The following DPYD variants were observed in gnomAD, a reference collection of about 807,000 sequenced individuals.
DPYD encodes dihydropyrimidine dehydrogenase [NADP(+)].
DPYD carries 109 observed loss-of-function variants against 116.2 expected under a neutral mutation model. The ratio of observed to expected loss-of-function variants is 0.94; its 90% CI spans 0.80 to 1.10. The LOEUF is 1.10. DPYD is among the 50% of genes least tolerant of loss of function. The pLI, the probability that DPYD is intolerant of heterozygous loss-of-function variation, is 0.00. For synonymous variants in DPYD, 440 were observed against 432.0 expected (o/e 1.02, Z -0.23); for missense variants, 1,302 against 1,254.5 (o/e 1.04, Z -0.57).
At chr1:97,100,006 C>T (rs977093577) in intron 20 of DPYD, among the ~76,000 whole-genome samples, 48 of 152,050 alleles carry the variant, frequency 3.2e-4, no homozygotes, top group African/African-American at 1.1e-3. Flanking sequence ...GTTATGAATG[C>T]CAAACTAATT....
intron 12 of DPYD, among the ~76,000 whole-genome samples, chr1:97,548,832 G>T (rs754972932): frequency 2.6e-5 from 4 of 152,062 alleles, no homozygotes; most frequent in Non-Finnish European, 5.9e-5. Context: ...TAGGTGCATA[G>T]AATTTGGAAA....
chr1:97,097,089 T>C (rs1337676931), intron 21 of DPYD, among the ~76,000 whole-genome samples: 1 of 152,188 alleles, frequency 6.6e-6, no homozygotes, highest in African/African-American at 2.4e-5. Context: ...AGTGTTCAGT[T>C]TGTTCAGTTC....
intron 18 of DPYD, among the ~76,000 whole-genome samples, chr1:97,297,665 G>T (rs528004654): frequency 4.4e-4 from 67 of 152,306 alleles, no homozygotes; most frequent in African/African-American, 1.6e-3. Context: ...AATTAAGAGA[G>T]AAGAGCAGTA....
chr1:97,826,160 T>G (rs1669235876), intron 3 of DPYD, among the ~76,000 whole-genome samples: 1 of 152,200 alleles, frequency 6.6e-6, no homozygotes, highest in Non-Finnish European at 1.5e-5. Flanking sequence ...GGCAAGTTAT[T>G]CCAGGCAGGT....
At chr1:97,219,391 A>C (rs957018204) in intron 19 of DPYD, among the ~76,000 whole-genome samples, 12 of 152,202 alleles carry the variant, frequency 7.9e-5, no homozygotes, top group African/African-American at 2.9e-4. Context: ...ATGATTCTGG[A>C]AAGAGATGTG....
chr1:97,189,457 G>A (rs1412485141), intron 20 of DPYD, among the ~76,000 whole-genome samples: 1 of 152,138 alleles, frequency 6.6e-6, no homozygotes, highest in Non-Finnish European at 1.5e-5. Context: ...AAAAAGTGAA[G>A]ACATTTTCTT....
intron 16 of DPYD, among the ~76,000 whole-genome samples, chr1:97,319,375 C>T (rs1243620123): frequency 5.4e-4 from 74 of 137,292 alleles, no homozygotes; most frequent in Non-Finnish European, 8.6e-4. Context: ...ATCAAATAGA[C>T]ACAATAAAAA....
chr1:97,510,037 AG>A (rs1647660774), intron 13 of DPYD, among the ~76,000 whole-genome samples: 1 of 152,048 alleles, frequency 6.6e-6, no homozygotes, highest in South Asian at 2.1e-4. Flanking sequence ...TTATTTGGGC[AG>A]GAACAGGCTG....
chr1:97,401,857 G>A (rs1424283633), intron 14 of DPYD, among the ~76,000 whole-genome samples: 1 of 152,210 alleles, frequency 6.6e-6, no homozygotes, highest in South Asian at 2.1e-4. Context: ...ACATGCAGTT[G>A]TTCCAGCACC....
chr1:97,278,903 C>T (rs993279202), intron 18 of DPYD, among the ~76,000 whole-genome samples: 8 of 149,946 alleles, frequency 5.3e-5, no homozygotes, highest in Non-Finnish European at 8.9e-5. Context: ...CTTACTAAGA[C>T]AATGGTATTT....
At chr1:97,850,382 ATAAAT>A (rs1378921528) in intron 2 of DPYD, among the ~76,000 whole-genome samples, 4 of 152,312 alleles carry the variant, frequency 2.6e-5, no homozygotes, top group African/African-American at 9.6e-5. Flanking sequence ...AATTAAAGAA[ATAAAT>A]TAAGATATGC....
intron 3 of DPYD, among the ~76,000 whole-genome samples, chr1:97,787,178 T>C (rs903190816): frequency 1.3e-5 from 2 of 152,104 alleles, no homozygotes; most frequent in Admixed American, 6.5e-5. Context: ...AGAAAGAAAA[T>C]AAAGCCTCTC....
At chr1:97,142,353 C>T (rs933644011) in intron 20 of DPYD, among the ~76,000 whole-genome samples, 15 of 152,056 alleles carry the variant, frequency 9.9e-5, no homozygotes, top group Non-Finnish European at 5.9e-5. Context: ...TAGAAAACTT[C>T]ATGTAACATT....
At chr1:97,500,304 A>G (rs1679502267) in intron 13 of DPYD, among the ~76,000 whole-genome samples, 1 of 152,080 alleles carries the variant, frequency 6.6e-6, no homozygotes, top group African/African-American at 2.4e-5. Flanking sequence ...GTTGCATGAC[A>G]AAACTGCATA....
intron 12 of DPYD, among the ~76,000 whole-genome samples, chr1:97,539,726 A>AT (rs1180243896): frequency 1.3e-5 from 2 of 152,196 alleles, no homozygotes; most frequent in Admixed American, 6.5e-5. Flanking sequence ...ATTTGACAAA[A>AT]TGTTCCATGT....
intron 14 of DPYD, among the ~76,000 whole-genome samples, chr1:97,399,573 T>A (rs1311573002): frequency 6.6e-6 from 1 of 152,160 alleles, no homozygotes; most frequent in Non-Finnish European, 1.5e-5. Context: ...ATTCTTCCTG[T>A]CCATGAGCAT....
intron 20 of DPYD, among the ~76,000 whole-genome samples, chr1:97,121,152 T>C (rs1170157331): frequency 6.6e-6 from 1 of 152,148 alleles, no homozygotes; most frequent in Non-Finnish European, 1.5e-5. Flanking sequence ...ACTGCACTAG[T>C]GCCATGGTGG....
intron 3 of DPYD, among the ~76,000 whole-genome samples, chr1:97,796,667 G>A (rs1173194096): frequency 1.3e-5 from 2 of 151,992 alleles, no homozygotes; most frequent in Non-Finnish European, 2.9e-5. Context: ...AAAGAAGGAG[G>A]GTGAGACAGA....
intron 14 of DPYD, among the ~76,000 whole-genome samples, chr1:97,406,768 T>C (rs190781939): frequency 2.8e-4 from 42 of 152,286 alleles, no homozygotes; most frequent in Admixed American, 2.4e-3. Flanking sequence ...ACTGTTTTCA[T>C]AGCATGTCTG....
Sources: allele counts gnomAD v4.1 joint callset (sites outside exome capture counted in the v4.1 genomes callset), GRCh38; gene constraint gnomAD v4.1.1; transcripts MANE v1.5; gene names NCBI Gene and HGNC (gene_info 2026-07-23, HGNC 2026-07-21).